ATP8A2: variants seen among roughly 807,000 people sequenced by gnomAD.
The protein encoded by ATP8A2 is phospholipid-transporting ATPase IB.
Under a neutral mutation model 165.6 loss-of-function variants are expected in ATP8A2, and 100 were observed. The observed-to-expected ratio is 0.60, with a 90% CI of 0.51 to 0.71. The LOEUF is 0.71. Ranked by LOEUF, ATP8A2 falls within the 30% of genes least tolerant of loss-of-function variation. ATP8A2 has a pLI of 0.00. For synonymous variants in ATP8A2, 543 were observed against 548.8 expected (o/e 0.99, Z 0.15); for missense variants, 1,227 against 1,479.5 (o/e 0.83, Z 2.80).
intron 27 of ATP8A2, among the ~76,000 whole-genome samples, chr13:25,794,827 A>ACACT (rs1555267835): frequency 2.6e-5 from 3 of 116,730 alleles, no homozygotes; most frequent in Admixed American, 7.9e-5. Flanking sequence ...TCCTACACAC[A>ACACT]CACACACACA....
At chr13:25,719,272 G>GA in intron 25 of ATP8A2, among the ~76,000 whole-genome samples, 1 of 147,886 alleles carries the variant, frequency 6.8e-6, no homozygotes, top group Non-Finnish European at 1.5e-5. Flanking sequence ...TTAATTGATT[G>GA]ATTCACAGAG....
chr13:25,807,327 T>TA (rs1027542627), intron 27 of ATP8A2, among the ~76,000 whole-genome samples: 3 of 152,192 alleles, frequency 2.0e-5, no homozygotes, highest in African/African-American at 7.2e-5. Flanking sequence ...CTCTTAAACT[T>TA]ACGACTGTTA....
At chr13:25,940,134 C>T (rs1368221326) in intron 33 of ATP8A2, among the ~76,000 whole-genome samples, 13 of 152,106 alleles carry the variant, frequency 8.5e-5, no homozygotes, top group Admixed American at 8.5e-4. Context: ...GCTGACTTCC[C>T]GTGCCTGTCA....
intron 25 of ATP8A2, among the ~76,000 whole-genome samples, chr13:25,709,757 T>G (rs993744423): frequency 6.6e-6 from 1 of 152,190 alleles, no homozygotes; most frequent in Non-Finnish European, 1.5e-5. Flanking sequence ...GACACTTAGA[T>G]CTGAATTTAT....
chr13:25,765,219 T>A (rs983036387), intron 25 of ATP8A2, among the ~76,000 whole-genome samples: 1 of 152,244 alleles, frequency 6.6e-6, no homozygotes, highest in African/African-American at 2.4e-5. Flanking sequence ...GATAGAATAC[T>A]TCTCCAGTCA....
At chr13:26,008,939 A>C (rs1173133089) in intron 35 of ATP8A2, among the ~76,000 whole-genome samples, 1 of 152,210 alleles carries the variant, frequency 6.6e-6, no homozygotes, top group East Asian at 1.9e-4. Context: ...AAATAAAAGC[A>C]AAAAACATGA....
intron 28 of ATP8A2, among the ~76,000 whole-genome samples, chr13:25,829,434 C>T (rs1593412250): frequency 6.6e-6 from 1 of 151,910 alleles, no homozygotes; most frequent in African/African-American, 2.4e-5. Context: ...CCTTTGTGTA[C>T]TAAGGGGAGA....
intron 13 of ATP8A2, among the ~76,000 whole-genome samples, chr13:25,555,671 G>A (rs1191313606): frequency 6.6e-6 from 1 of 151,944 alleles, no homozygotes; most frequent in East Asian, 1.9e-4. Context: ...AAATGTGCAG[G>A]TCTGTTTTGT....
intron 33 of ATP8A2, among the ~76,000 whole-genome samples, chr13:25,866,108 A>G (rs556250757): frequency 2.2e-4 from 34 of 152,336 alleles, no homozygotes; most frequent in Admixed American, 1.8e-3. Flanking sequence ...AGACCAGGTC[A>G]GGAAATGTGT....
At chr13:25,829,699 T>C (rs1213459641) in intron 28 of ATP8A2, among the ~76,000 whole-genome samples, 2 of 63,692 alleles carry the variant, frequency 3.1e-5, no homozygotes, top group African/African-American at 5.5e-5. Context: ...TATATATATA[T>C]ATATATATAT....
chr13:25,886,768 C>A lies in ATP8A2; in HGVS notation c.3183+24360C>A, dbSNP rs142012615. Among the ~76,000 whole-genome samples, 6 of 152,264 alleles carry A rather than the reference C, an allele frequency of 3.9e-5. No individual in the cohort carries two copies. In the East Asian group the frequency reaches 1.2e-3, roughly 29 times the overall value. ...GACTCAGGGCCTTCTCCAGAGGGAG[C>A]GCCAGAGATTACTGCCAGGAGAGTG... On this transcript the variant is annotated intron_variant, in intron 33 of 36. Transcript: ENST00000381655.
chr13:25,466,897 G>A (rs2035683732), intron 1 of ATP8A2, among the ~76,000 whole-genome samples: 1 of 152,180 alleles, frequency 6.6e-6, no homozygotes, highest in African/African-American at 2.4e-5. Flanking sequence ...CTGGTACTGT[G>A]GAGGAAGACA....
intron 1 of ATP8A2, among the ~76,000 whole-genome samples, chr13:25,416,902 A>G (rs1326796885): frequency 6.6e-6 from 1 of 152,186 alleles, no homozygotes; most frequent in Non-Finnish European, 1.5e-5. Flanking sequence ...AAGTAAAGAT[A>G]TTTGAAAGGA....
At chr13:25,883,174 C>T (rs1346277550) in intron 33 of ATP8A2, among the ~76,000 whole-genome samples, 1 of 152,084 alleles carries the variant, frequency 6.6e-6, no homozygotes, top group Non-Finnish European at 1.5e-5. Context: ...CCCTCAGCTC[C>T]CCTGCTGTCT....
intron 1 of ATP8A2, among the ~76,000 whole-genome samples, chr13:25,390,938 A>C (rs1004865904): frequency 1.8e-4 from 28 of 152,168 alleles, no homozygotes; most frequent in African/African-American, 6.7e-4. Context: ...AAAAAAAAAA[A>C]AATTCATCTA....
chr13:25,805,441 A>G (rs2138481873), intron 27 of ATP8A2, among the ~76,000 whole-genome samples: 1 of 152,258 alleles, frequency 6.6e-6, no homozygotes, highest in Non-Finnish European at 1.5e-5. Flanking sequence ...ACCTGAGCCC[A>G]GGGTGGTCAA....
intron 33 of ATP8A2, among the ~76,000 whole-genome samples, chr13:25,907,622 G>A (rs575914678): frequency 6.6e-6 from 1 of 152,278 alleles, no homozygotes; most frequent in East Asian, 1.9e-4. Flanking sequence ...CTGTAAAACA[G>A]CGTTGATGAC....
chr13:25,877,067 T>C (rs1296499783), intron 33 of ATP8A2, among the ~76,000 whole-genome samples: 1 of 152,208 alleles, frequency 6.6e-6, no homozygotes, highest in African/African-American at 2.4e-5. Flanking sequence ...CCCTCAATGT[T>C]TTCAGTGGTT....
chr13:25,502,133 C>G (rs144127158), intron 2 of ATP8A2, among the ~76,000 whole-genome samples: 2 of 152,282 alleles, frequency 1.3e-5, no homozygotes, highest in East Asian at 3.9e-4. Flanking sequence ...AAAATAAATT[C>G]TCAAATGCTG....
Sources: gnomAD v4.1 joint callset for allele counts (sites outside exome capture counted in the v4.1 genomes callset) on GRCh38, gnomAD v4.1.1 for gene constraint, MANE v1.5 for transcripts, NCBI Gene and HGNC (gene_info 2026-07-23, HGNC 2026-07-21) for gene names.